The following TG variants were observed in gnomAD, a reference collection of about 807,000 sequenced individuals.
TG encodes the protein thyroglobulin.
TG carries 270 observed loss-of-function variants against 324.7 expected under a neutral mutation model. That is an observed-to-expected ratio of 0.83 (90% CI 0.75 to 0.92). The LOEUF is 0.92. TG is among the 40% of genes least tolerant of loss of function. The pLI, the probability that TG is intolerant of heterozygous loss-of-function variation, is 0.00. For missense variants in TG, 3,591 were observed against 3,456.4 expected (o/e 1.04, Z -0.98); for synonymous variants, 1,401 against 1,327.0 (o/e 1.06, Z -1.21).
intron 22 of TG, among the ~76,000 whole-genome samples, chr8:132,928,062 C>T (rs545232461): frequency 8.5e-5 from 13 of 152,188 alleles, no homozygotes; most frequent in South Asian, 2.1e-4. Flanking sequence ...TGAGCCACCG[C>T]GCCTGGCCGA....
At chr8:133,032,347 T>C (rs1171536797) in intron 41 of TG, among the ~76,000 whole-genome samples, 3 of 152,174 alleles carry the variant, frequency 2.0e-5, no homozygotes, top group Non-Finnish European at 4.4e-5. Context: ...CTATCCTGCG[T>C]TGAATTGATC....
chr8:132,905,258 T>C (rs2132319957), intron 16 of TG, among the ~76,000 whole-genome samples: 1 of 152,290 alleles, frequency 6.6e-6, no homozygotes, highest in East Asian at 1.9e-4. Context: ...GGGCCAGGAT[T>C]CATAGCCTGC....
rs1293913847 is a variant in TG, at chr8:132,908,354, C to T, written c.4002+14C>T. On this transcript the variant is annotated intron_variant, in intron 18 of 47. Coordinates refer to ENST00000220616, the MANE Select transcript of TG (RefSeq NM_003235.5). ...TGCCAGATCCAGGTACATGCCTGGC[C>T]TTCCCCACAGTGAGGGCTTGGACTC... 2 of 1,525,288 alleles carry T rather than the reference C, an allele frequency of 1.3e-6. No individual in the cohort carries two copies. Among genetic ancestry groups the T allele is most frequent in the African/African-American group, 3.0e-5 (2 of 65,856 alleles). 94.5% of individuals were successfully genotyped at this position (1,525,288 alleles called of 1,614,324 possible).
At position 133,116,712 on chromosome 8, in the gene TG, G is replaced by A; in HGVS notation, c.7858G>A (p.Gly2620Ser). The A allele has an allele frequency of 6.2e-7, 1 of 1,614,062 alleles. No homozygotes were observed. The highest frequency in any genetic ancestry group is 1.1e-5 in the South Asian group (1 of 91,080). The change falls in exon 45 of 48, where the codon GGC becomes AGC. Residue 2620 changes from glycine to serine, a missense_variant. Physicochemically the swap from Gly to Ser is moderately conservative, Grantham distance 56. Transcript: ENST00000220616. ...MYHAPENYGH[G>S]SLELLADVQF... ...CCATGCTCCTGAAAACTACGGCCAT[G>A]GCAGGTAAGACGCTGCAGGGAAGCA...
intron 36 of TG, 51 bp downstream of exon 36, chr8:133,012,086 G>A (rs751446787): frequency 1.9e-6 from 3 of 1,612,488 alleles, no homozygotes. Context: ...CCTCACACAA[G>A]TGCTGCTCAA....
chr8:132,905,109 A>G (rs905689316), intron 16 of TG, among the ~76,000 whole-genome samples: 4 of 152,212 alleles, frequency 2.6e-5, no homozygotes, highest in Non-Finnish European at 5.9e-5. Flanking sequence ...GGCACATACT[A>G]CACATCCCAT....
At chr8:132,911,250 C>G (rs571965981) in intron 18 of TG, 127 bp from the exon 19 acceptor site, 1 of 1,551,126 alleles carries the variant, frequency 6.4e-7, no homozygotes, top group Admixed American at 1.8e-5. Context: ...TTCCTTGACC[C>G]CCTGAAGTAG....
chr8:133,036,917 A>T (rs1490148918), intron 41 of TG: 3 of 152,422 alleles, frequency 2.0e-5, no homozygotes, highest in African/African-American at 7.2e-5. Context: ...ACCCTGCCTT[A>T]TGCGGGAAGT....
At position 132,962,944 on chromosome 8, in the gene TG, G is replaced by T. The variant is rs777200097; in HGVS notation, c.5468-50G>T. On this transcript the variant is annotated intron_variant, in intron 28 of 47. Transcript: ENST00000220616. ...TACTACCATTTTGTTGACCAGTGGA[G>T]TACTACCCATTCTCCCCAACATTGC... The T allele has an allele frequency of 7.1e-6, 11 of 1,558,038 alleles. No individual in the cohort carries two copies. The South Asian group carries it at 1.1e-4, about 16-fold the overall frequency.
intron 41 of TG, among the ~76,000 whole-genome samples, chr8:133,051,932 C>T (rs1343199679): frequency 1.3e-5 from 2 of 152,222 alleles, no homozygotes; most frequent in Non-Finnish European, 2.9e-5. Context: ...GAGCACCTGT[C>T]GTAAGCAGCA....
intron 29 of TG, among the ~76,000 whole-genome samples, chr8:132,963,836 C>G (rs1214182999): frequency 2.6e-5 from 4 of 152,200 alleles, no homozygotes; most frequent in Non-Finnish European, 4.4e-5. Flanking sequence ...GGGAAAAAAA[C>G]GTCATGCTAC....
chr8:132,945,401 A>G (rs1027182368), intron 26 of TG, among the ~76,000 whole-genome samples: 1 of 152,170 alleles, frequency 6.6e-6, no homozygotes, highest in African/African-American at 2.4e-5. Flanking sequence ...GTGGCAAAGA[A>G]TGAAAGAGAT....
chr8:133,098,528 A>T (rs1376881349), intron 43 of TG, among the ~76,000 whole-genome samples: 1 of 152,176 alleles, frequency 6.6e-6, no homozygotes, highest in East Asian at 1.9e-4. Context: ...GGGATGCAAA[A>T]TCTCTGTGCA....
At chr8:132,898,776 C>T (rs1817506040) in intron 13 of TG, 22 bp from the exon 14 acceptor site, 1 of 1,611,074 alleles carries the variant, frequency 6.2e-7, no homozygotes. Flanking sequence ...CAGTCCTTTA[C>T]AAGCACCTCT....
intron 30 of TG, among the ~76,000 whole-genome samples, chr8:132,967,064 A>C (rs1301208503): frequency 7.6e-6 from 1 of 132,396 alleles, no homozygotes; most frequent in Non-Finnish European, 1.6e-5. Context: ...CCATCCATCC[A>C]TCCCATTCAT....
intron 18 of TG, among the ~76,000 whole-genome samples, chr8:132,910,947 G>C (rs1018631448): frequency 5.3e-5 from 8 of 152,204 alleles, no homozygotes; most frequent in African/African-American, 1.9e-4. Flanking sequence ...CAGAAATTCA[G>C]TGGGCACAAC....
intron 40 of TG, among the ~76,000 whole-genome samples, chr8:133,023,545 C>T (rs1411489958): frequency 6.6e-6 from 1 of 152,074 alleles, no homozygotes; most frequent in East Asian, 1.9e-4. Flanking sequence ...GAATTATTCA[C>T]GTGTGAGTTT....
intron 36 of TG, among the ~76,000 whole-genome samples, chr8:133,012,331 C>G (rs940452401): frequency 6.6e-6 from 1 of 152,186 alleles, no homozygotes; most frequent in Non-Finnish European, 1.5e-5. Context: ...ACATGCGTGG[C>G]AGCTCTGGCA....
At chr8:132,950,412 C>T (rs1009946374) in intron 27 of TG, among the ~76,000 whole-genome samples, 1 of 152,202 alleles carries the variant, frequency 6.6e-6, no homozygotes, top group Admixed American at 6.5e-5. Context: ...CTCCCAAAGG[C>T]TGGCAGAGAC....
Sources: allele counts gnomAD v4.1 joint callset (sites outside exome capture counted in the v4.1 genomes callset), GRCh38; gene constraint gnomAD v4.1.1; transcripts MANE v1.5; gene names NCBI Gene and HGNC (gene_info 2026-07-23, HGNC 2026-07-21).